The following CARD9 variants were observed in gnomAD, a reference collection of about 807,000 sequenced individuals.
The protein encoded by CARD9 is caspase recruitment domain family member 9, also known as caspase recruitment domain-containing protein 9.
Under a neutral mutation model 66.0 loss-of-function variants are expected in CARD9, and 53 were observed. That is an observed-to-expected ratio of 0.80 (90% CI 0.64 to 1.01). The LOEUF (loss-of-function observed/expected upper bound fraction) is 1.01, where lower values mean the gene tolerates loss of function less well. Among genes scored for constraint, CARD9 ranks in the 50% least tolerant of loss-of-function variants. CARD9 has a pLI of 0.00. For synonymous variants in CARD9, 387 were observed against 313.8 expected, an observed-to-expected ratio of 1.23 and a Z score of -2.47; for missense variants, 769 against 743.2, an observed-to-expected ratio of 1.03 and a Z score of -0.40.
intron 10 of CARD9, 196 bp from the exon 11 acceptor site, chr9:136,365,413 C>T: frequency 3.4e-6 from 2 of 596,152 alleles, no homozygotes; most frequent in Non-Finnish European, 6.0e-6. Context: ...TTCATTGCTC[C>T]AGGAGGCCGC....
chr9:136,366,742 A>G, intron 10 of CARD9, 58 bp downstream of exon 10: 1 of 1,582,658 alleles, frequency 6.3e-7, no homozygotes, highest in Non-Finnish European at 8.7e-7. Context: ...TGTGCTGAAG[A>G]TGGGCCTCAC....
At chr9:136,369,630 C>T in intron 7 of CARD9, 120 bp downstream of exon 7, 1 of 1,515,158 alleles carries the variant, frequency 6.6e-7, no homozygotes, top group Non-Finnish European at 8.8e-7. Context: ...CATAGCAAGA[C>T]CCCATCTCAA....
At chr9:136,366,680 CTGTGGAGTGGGGGT>C in intron 10 of CARD9, 106 bp downstream of exon 10, 2 of 1,068,886 alleles carry the variant, frequency 1.9e-6, no homozygotes, top group Non-Finnish European at 2.9e-6. Context: ...GTTTCCCTGT[CTGTGGAGTGGGGGT>C]TGTGGGGGTT....
At position 136,372,050 on chromosome 9, in the gene CARD9, C is replaced by T; in HGVS notation, c.29G>A (p.Cys10Tyr). 12 of 1,612,750 alleles carry T rather than the reference C, an allele frequency of 7.4e-6. No individual in the cohort carries two copies. The highest frequency in any genetic ancestry group is 9.3e-6 in the Non-Finnish European group (11 of 1,179,976). ...CCGGAAGCCCTCCAGGACGCTCCAG[C>T]ACTCGTCATCGTTCTCGTAGTCCGA... MSDYENDDECWSVLEGFRVT... is the reference protein window; with the variant it reads MSDYENDDEYWSVLEGFRVT... Residue 10 changes from cysteine (C) to tyrosine (Y), a missense_variant, in exon 2 of 13, where the codon TGC (cysteine) becomes TAC (tyrosine). Physicochemically the swap from Cys to Tyr is radical, Grantham distance 194. Coordinates refer to ENST00000371732, the MANE Select transcript of CARD9 (RefSeq NM_052813.5).
At chr9:136,371,751 G>T in intron 2 of CARD9, 144 bp downstream of exon 2, 1 of 1,376,206 alleles carries the variant, frequency 7.3e-7, no homozygotes, top group Non-Finnish European at 9.9e-7. Context: ...TGCCAGGGTT[G>T]AGGTTGGGCC....
chr9:136,364,649 G>T, intron 11 of CARD9, 90 bp from the exon 12 acceptor site: 1 of 1,318,262 alleles, frequency 7.6e-7, no homozygotes, highest in Non-Finnish European at 1.0e-6. Context: ...TGTAACTGCA[G>T]ACTGGTTGGG....
Position 136,373,658 on chromosome 9 carries a change from T to C in CARD9, c.-143A>G, listed in dbSNP as rs1833328494. The C allele has an allele frequency of 2.5e-6, 2 of 809,926 alleles. No homozygotes were observed. The highest frequency in any genetic ancestry group is 5.6e-5 in the South Asian group (1 of 17,960). 50.2% of individuals were successfully genotyped at this position (809,926 alleles called of 1,614,324 possible). On this transcript the variant is annotated 5_prime_UTR_variant, in exon 1 of 13. Coordinates refer to ENST00000371732, the MANE Select transcript of CARD9 (RefSeq NM_052813.5). ...CGCCGGACGCCTGTGCACTTCCTGA[T>C]GGGTTCTGCTTAACTCCACAGTCCC...
chr9:136,368,880 C>T (rs144700350), intron 7 of CARD9, among the ~76,000 whole-genome samples: 2,824 of 152,038 alleles, frequency 0.019, 107 homozygotes, highest in African/African-American at 0.063. Flanking sequence ...AGTACAGTAG[C>T]GTGATCTCAG....
rs1422852753 is a variant in CARD9, at chr9:136,367,241, T to C, written c.1286A>G (p.Asp429Gly). ...ETLVLSSDLE[D>G]GSPRRSQELS... ...CTCCTGGGACCTCCTGGGTGAGCCA[T>C]CTTCCAGGTCGGAGCTCTGTGGTCA... The change falls in exon 9 of 13, where the codon GAT becomes GGT. Residue 429 changes from aspartate (D) to glycine (G), a missense_variant. Asp to Gly is a moderately conservative substitution (Grantham distance 94, BLOSUM62 -1). Transcript: ENST00000371732. The C allele has an allele frequency of 6.2e-7, 1 of 1,612,774 alleles. No homozygotes were observed. Among genetic ancestry groups the C allele is most frequent in the Non-Finnish European group, 8.5e-7 (1 of 1,179,874 alleles).
intron 7 of CARD9, among the ~76,000 whole-genome samples, chr9:136,369,017 C>A (rs1256507169): frequency 1.3e-5 from 2 of 152,072 alleles, no homozygotes; most frequent in Non-Finnish European, 2.9e-5. Flanking sequence ...ACGGGGTTTC[C>A]CCATACTGGC....
chr9:136,372,943 C>G (rs1833310379), intron 1 of CARD9, among the ~76,000 whole-genome samples: 1 of 152,256 alleles, frequency 6.6e-6, no homozygotes, highest in Non-Finnish European at 1.5e-5. Context: ...GGCCCGGCCC[C>G]CATCCCAGTG....
chr9:136,365,315 T>G (rs1833097143), intron 10 of CARD9, 98 bp from the exon 11 acceptor site: 4 of 1,168,760 alleles, frequency 3.4e-6, no homozygotes, highest in African/African-American at 1.5e-5. Context: ...GGGGCTGTCT[T>G]CCAAGGCCTG....
rs751776187 is a variant in CARD9, at chr9:136,370,963, C to T, written c.505G>A (p.Glu169Lys). ...CGCTTGAGCTCGCGGCTGCCGGCCT[C>T]GCACTCCTCCTTGAGCCTCTGCACA... ...ERVQRLKEECEAGSRELKRCK... is the reference protein window; with the variant it reads ...ERVQRLKEECKAGSRELKRCK... Residue 169 changes from glutamate (E) to lysine (K), a missense_variant, in exon 4 of 13, where the codon GAG (glutamate) becomes AAG (lysine). By Grantham distance (56) the Glu-to-Lys change is moderately conservative. Transcript: ENST00000371732. 1.9e-6 allele frequency: 3 copies of T among 1,610,736 alleles called. No individual in the cohort carries two copies. The highest frequency in any genetic ancestry group is 1.3e-5 in the African/African-American group (1 of 75,008).
rs374999342 is a variant in CARD9 at position 136,370,805 on chromosome 9, G to A, written c.627+36C>T. ...GCCTGCAGACCCCGCCAGGCCAGGC[G>A]AGGGTGGCCTGGTTTCCCGGGGGCA... On this transcript the variant is annotated intron_variant, in intron 4 of 12. Transcript: ENST00000371732. The A allele has an allele frequency of 1.8e-4, 283 of 1,597,152 alleles. No individual in the cohort carries two copies. In the African/African-American group the frequency reaches 3.4e-3, roughly 19 times the overall value.
chr9:136,369,449 G>C (rs1833204115), intron 7 of CARD9, among the ~76,000 whole-genome samples: 1 of 152,208 alleles, frequency 6.6e-6, no homozygotes, highest in Non-Finnish European at 1.5e-5. Context: ...CAGTAGGCTG[G>C]GGTGGGGAAG....
intron 4 of CARD9, 69 bp from the exon 5 acceptor site, chr9:136,370,770 G>C: frequency 6.2e-7 from 1 of 1,607,708 alleles, no homozygotes; most frequent in Non-Finnish European, 8.5e-7. Flanking sequence ...GGCCACCCCC[G>C]ACCGCCCCGG....
Position 136,367,828 on chromosome 9 carries a change from C to A in CARD9, c.1078G>T (p.Ala360Ser), listed in dbSNP as rs1833162418. 1.3e-6 allele frequency: 2 copies of A among 1,598,362 alleles called. No homozygotes were observed. Among genetic ancestry groups the A allele is most frequent in the Non-Finnish European group, 1.7e-6 (2 of 1,177,570 alleles). Reference protein sequence around the residue: ...MEEVAIERDQAIATREELHAQ... With the variant: ...MEEVAIERDQSIATREELHAQ... The stretch of plus-strand genomic sequence containing the variant: ...TGCAGCTCCTCCCGCGTGGCTATGG[C>A]CTGACGGGACAGCACAAGGCCGACC... The change falls in exon 8 of 13, where the codon GCC becomes TCC. Residue 360 changes from alanine (A) to serine (S), a missense_variant and splice_region_variant. Physicochemically the swap from Ala to Ser is moderately conservative, Grantham distance 99. Coordinates refer to ENST00000371732, the MANE Select transcript of CARD9 (RefSeq NM_052813.5).
intron 10 of CARD9, chr9:136,366,466 G>T: frequency 4.6e-6 from 2 of 434,682 alleles, no homozygotes; most frequent in Non-Finnish European, 8.5e-6. Context: ...GCTCACCTCT[G>T]CACCCCGTGG....
At chr9:136,366,548 C>G in intron 10 of CARD9, 1 of 571,040 alleles carries the variant, frequency 1.8e-6, no homozygotes, top group Non-Finnish European at 3.1e-6. Context: ...GGGGGCTGCC[C>G]AGACCCCCAC....
Sources: gnomAD v4.1 joint callset for allele counts (sites outside exome capture counted in the v4.1 genomes callset) on GRCh38, gnomAD v4.1.1 for gene constraint, MANE v1.5 for transcripts, NCBI Gene and HGNC (gene_info 2026-07-23, HGNC 2026-07-21) for gene names.